Variants in MACF1 observed in about 807,000 individuals in gnomAD.
MACF1 encodes microtubule-actin cross-linking factor 1.
Under a neutral mutation model 854.8 loss-of-function variants are expected in MACF1, and 193 were observed. The ratio of observed to expected loss-of-function variants is 0.23; its 90% CI spans 0.20 to 0.25. MACF1 has a LOEUF of 0.25. Among genes scored for constraint, MACF1 ranks in the 10% least tolerant of loss-of-function variants. The pLI, the probability that MACF1 is intolerant of heterozygous loss-of-function variation, is 1.00. For synonymous variants in MACF1, 3,185 were observed against 3,226.7 expected, an observed-to-expected ratio of 0.99 and a Z score of 0.44; for missense variants, 7,722 against 8,929.1, an observed-to-expected ratio of 0.86 and a Z score of 5.45.
intron 31 of MACF1, among the ~76,000 whole-genome samples, chr1:39,321,836 A>G (rs1646521158): frequency 6.6e-6 from 1 of 152,232 alleles, no homozygotes. Flanking sequence ...GAAAAGCTCT[A>G]TTCTAGATCA....
chr1:39,290,464 T>TGATTCCTCCAGTTTTGTTC (rs750717778), intron 15 of MACF1, among the ~76,000 whole-genome samples: 2 of 152,202 alleles, frequency 1.3e-5, no homozygotes, highest in African/African-American at 2.4e-5. Context: ...TCAGGTAATG[T>TGATTCCTCCAGTTTTGTTC]GATTCCTCCA....
In MACF1 at chr1:39,307,673, G is replaced by A. The variant is rs190783517; in HGVS notation, c.2790-1897G>A. ...GTGCAATCTCTGCCTCCTGGGTTCA[G>A]GCAATTCTCCTGCCTCAGCCTCCCG... On this transcript the variant is annotated intron_variant, in intron 23 of 100. Coordinates refer to ENST00000564288, the MANE Select transcript of MACF1 (RefSeq NM_001394062.1). Among the ~76,000 whole-genome samples, 754 of 145,954 alleles carry A rather than the reference G, an allele frequency of 5.2e-3. 5 individuals carry two copies. The highest frequency in any genetic ancestry group is 8.4e-3 in the Non-Finnish European group (558 of 66,036).
At chr1:39,328,906 G>A (rs79260697) in intron 36 of MACF1, among the ~76,000 whole-genome samples, 1 of 152,046 alleles carries the variant, frequency 6.6e-6, no homozygotes, top group African/African-American at 2.4e-5. Flanking sequence ...CTACACTGCA[G>A]GCCTTTCTTC....
chr1:39,350,451 G>A (rs1647155115), intron 42 of MACF1, among the ~76,000 whole-genome samples: 1 of 152,170 alleles, frequency 6.6e-6, no homozygotes, highest in South Asian at 2.1e-4. Context: ...ACCCAAGAGA[G>A]TATAAGGGCC....
At chr1:39,438,833 A>G (rs1017532590) in intron 71 of MACF1, among the ~76,000 whole-genome samples, 3 of 151,818 alleles carry the variant, frequency 2.0e-5, no homozygotes, top group African/African-American at 7.3e-5. Context: ...TGATAATCCA[A>G]GCACTTTGGG....
chr1:39,385,615 A>T lies in MACF1; in HGVS notation c.14030A>T (p.Gln4677Leu), dbSNP rs1172322700. 2 of 1,614,138 alleles carry T rather than the reference A, an allele frequency of 1.2e-6. No homozygotes were observed. The highest frequency in any genetic ancestry group is 2.2e-5 in the South Asian group (2 of 91,088). Residue 4677 changes from glutamine to leucine, a missense_variant, in exon 57 of 101, where the codon CAA becomes CTA. By Grantham distance (113) the Gln-to-Leu change is moderately radical. Around this residue, in one of 15 missense-constraint regions of MACF1, gnomAD observed 2,807 missense variants for 3,235.8 expected, o/e 0.87. Coordinates refer to ENST00000564288, the MANE Select transcript of MACF1 (RefSeq NM_001394062.1). ...GACAAACTCAACTCCCGTTCCAGCC[A>T]AATTGACCAAGCTATTGTTAAGAGC... ...LTDKLNSRSS[Q>L]IDQAIVKSTQ...
chr1:39,264,361 T>C (rs1446527729), intron 6 of MACF1, among the ~76,000 whole-genome samples: 2 of 152,204 alleles, frequency 1.3e-5, no homozygotes, highest in Non-Finnish European at 2.9e-5. Context: ...TTACTACTAT[T>C]TGACATATTA....
At chr1:39,182,253 C>T (rs1035464662) in intron 2 of MACF1, among the ~76,000 whole-genome samples, 1 of 151,004 alleles carries the variant, frequency 6.6e-6, no homozygotes, top group Admixed American at 6.6e-5. Context: ...AATTACAAAA[C>T]TATTAGAAGA....
rs967250106 is a variant in MACF1, at chr1:39,333,655, A to G, written c.7067A>G (p.Asp2356Gly). The G allele has an allele frequency of 6.2e-7, 1 of 1,614,090 alleles. No individual in the cohort carries two copies. Among genetic ancestry groups the G allele is most frequent in the African/African-American group, 1.3e-5 (1 of 74,928 alleles). The change falls in exon 37 of 101, where the codon GAT (aspartate) becomes GGT (glycine). Residue 2356 changes from aspartate (D) to glycine (G), a missense_variant. Physicochemically the swap from Asp to Gly is moderately conservative, Grantham distance 94. Transcript: ENST00000564288. ...GAAGTCATTAATGAAGGTCTGATGGATGAGAAATTATTACATAATGTCCTC... is the reference window on the plus strand; with the variant it reads ...GAAGTCATTAATGAAGGTCTGATGGGTGAGAAATTATTACATAATGTCCTC... ...TEEVINEGLM[D>G]EKLLHNVLMA...
chr1:39,117,999 T>C (rs1428246461), intron 2 of MACF1, among the ~76,000 whole-genome samples: 2 of 152,244 alleles, frequency 1.3e-5, no homozygotes, highest in African/African-American at 4.8e-5. Context: ...TTCTCTCTGA[T>C]ATCCTTTCTA....
At chr1:39,440,969 T>C in intron 72 of MACF1, 34 bp from the exon 73 acceptor site, 2 of 1,613,348 alleles carry the variant, frequency 1.2e-6, no homozygotes, top group Non-Finnish European at 1.7e-6. Flanking sequence ...TTCTGTTTTC[T>C]ATTTTGGCTT....
intron 2 of MACF1, among the ~76,000 whole-genome samples, chr1:39,160,666 G>C (rs12145367): frequency 0.21 from 32,623 of 152,140 alleles, 4,170 homozygotes; most frequent in Non-Finnish European, 0.28. Flanking sequence ...CTGGAAAGAG[G>C]ACATGTAGTT....
In MACF1 at chr1:39,380,146, T is replaced by C. The variant is rs2148554703; in HGVS notation, c.13519-98T>C. 3 of 1,213,136 alleles carry C rather than the reference T, an allele frequency of 2.5e-6. No homozygotes were observed. In the Admixed American group the frequency reaches 6.3e-5, roughly 25 times the overall value. 75.1% of individuals were successfully genotyped at this position (1,213,136 alleles called of 1,614,324 possible). On this transcript the variant is annotated intron_variant, in intron 54 of 100. Coordinates refer to ENST00000564288, the MANE Select transcript of MACF1 (RefSeq NM_001394062.1). ...AGTCATTGATAGGATCCTAGTAGAGTCTATAATAACTGCCCAGTTTTCCAA... is the reference window on the plus strand; with the variant it reads ...AGTCATTGATAGGATCCTAGTAGAGCCTATAATAACTGCCCAGTTTTCCAA...
In MACF1 at chr1:39,331,980, G is replaced by T. The variant is rs1557592058; in HGVS notation, c.5392G>T (p.Asp1798Tyr). 3 of 1,614,078 alleles carry T rather than the reference G, an allele frequency of 1.9e-6. No individual in the cohort carries two copies. The highest frequency in any genetic ancestry group is 2.5e-6 in the Non-Finnish European group (3 of 1,180,012). ...TGTAAGACATAATCTGATTGACCAA[G>T]ATATGGCCTGTGCTATCCTCATAAG... ...EAVRHNLIDQDMACAILIRQL... is the reference protein window; with the variant it reads ...EAVRHNLIDQYMACAILIRQL... The change falls in exon 37 of 101, where the codon GAT (aspartate) becomes TAT (tyrosine). Residue 1798 changes from aspartate to tyrosine, a missense_variant. Physicochemically the swap from Asp to Tyr is radical, Grantham distance 160. Coordinates refer to ENST00000564288, the MANE Select transcript of MACF1 (RefSeq NM_001394062.1).
Position 39,370,090 on chromosome 1 carries a change from C to A in MACF1, c.12999C>A (p.Thr4333=). The A allele has an allele frequency of 2.5e-6, 4 of 1,614,096 alleles. No individual in the cohort carries two copies. The highest frequency in any genetic ancestry group is 3.4e-6 in the Non-Finnish European group (4 of 1,179,980). Reference sequence around the variant, plus strand: ...ATGAATTCCGGAAGCTGGTCAGGACCTTCCAGAAATGGTTGAAAGAAACTG... The same window carrying A: ...ATGAATTCCGGAAGCTGGTCAGGACATTCCAGAAATGGTTGAAAGAAACTG... The part of the protein sequence containing the change: ...QLDEFRKLVR[T]FQKWLKETEG... The change falls in exon 51 of 101, where the codon ACC becomes ACA. Residue 4333 remains threonine (T), a synonymous_variant. Coordinates refer to ENST00000564288, the MANE Select transcript of MACF1 (RefSeq NM_001394062.1).
intron 4 of MACF1, 76 bp from the exon 5 acceptor site, chr1:39,254,222 G>A (rs1645073573): frequency 8.0e-7 from 1 of 1,253,808 alleles, no homozygotes; most frequent in African/African-American, 1.5e-5. Context: ...CTTTAGTCCT[G>A]GAAATAAAAG....
intron 1 of MACF1, among the ~76,000 whole-genome samples, chr1:39,222,679 T>C (rs1423028318): frequency 6.6e-6 from 1 of 152,222 alleles, no homozygotes; most frequent in African/African-American, 2.4e-5. Flanking sequence ...TTGTTAATTA[T>C]TTACATGTTG....
chr1:39,452,280 G>T lies in MACF1; in HGVS notation c.20543G>T (p.Ser6848Ile). ...GTAAAAGGACAGCTCCAGGAACTGA[G>T]CACTCGCTGGGACACTGTCTGTAAA... ...TWVKGQLQEL[S>I]TRWDTVCKLS... Residue 6848 changes from serine (S) to isoleucine (I), a missense_variant, in exon 86 of 101, where the codon AGC (serine) becomes ATC (isoleucine). Coordinates refer to ENST00000564288, the MANE Select transcript of MACF1 (RefSeq NM_001394062.1). The T allele has an allele frequency of 1.2e-6, 2 of 1,614,214 alleles. No individual in the cohort carries two copies. Among genetic ancestry groups the T allele is most frequent in the Non-Finnish European group, 1.7e-6 (2 of 1,180,024 alleles).
chr1:39,440,791 A>G, intron 72 of MACF1, among the ~76,000 whole-genome samples: 1 of 152,156 alleles, frequency 6.6e-6, no homozygotes, highest in Non-Finnish European at 1.5e-5. Context: ...CCTTTTCTAT[A>G]GTATTTTATA....
Sources: gnomAD v4.1 joint callset for allele counts (sites outside exome capture counted in the v4.1 genomes callset) on GRCh38, gnomAD v4.1.1 for gene constraint, gnomAD v4.1.1 regional missense constraint, MANE v1.5 for transcripts, NCBI Gene and HGNC (gene_info 2026-07-23, HGNC 2026-07-21) for gene names.